Variants in ATRNL1 observed in about 807,000 individuals in gnomAD.
ATRNL1 encodes attractin-like protein 1.
A neutral mutation model predicts 182.7 loss-of-function variants in ATRNL1; 95 were observed. The ratio of observed to expected loss-of-function variants is 0.52; its 90% CI spans 0.44 to 0.62. The LOEUF (loss-of-function observed/expected upper bound fraction) is 0.62. Ranked by LOEUF, ATRNL1 falls within the 20% of genes least tolerant of loss-of-function variation. ATRNL1 has a pLI of 0.00. For synonymous variants in ATRNL1, 576 were observed against 568.3 expected (o/e 1.01, Z -0.19); for missense variants, 1,471 against 1,679.5 (o/e 0.88, Z 2.17).
At chr10:115,256,239 A>G (rs1554906894) in intron 10 of ATRNL1, among the ~76,000 whole-genome samples, 1 of 152,218 alleles carries the variant, frequency 6.6e-6, no homozygotes, top group Non-Finnish European at 1.5e-5. Flanking sequence ...TACCTCTGGT[A>G]GAATTCAGCT....
chr10:115,885,161 A>G (rs1216466442), intron 28 of ATRNL1, among the ~76,000 whole-genome samples: 2 of 152,246 alleles, frequency 1.3e-5, no homozygotes, highest in African/African-American at 4.8e-5. Flanking sequence ...GTGTAAGTAG[A>G]GAGTACTTAT....
chr10:115,213,784 G>A (rs1849120170), intron 8 of ATRNL1, among the ~76,000 whole-genome samples: 1 of 152,058 alleles, frequency 6.6e-6, no homozygotes, highest in African/African-American at 2.4e-5. Context: ...ATGAGATAAT[G>A]AGATAGTTAC....
In ATRNL1 at chr10:115,469,185, TG is replaced by T; in HGVS notation, c.3514del (p.Glu1172LysfsTer5). 2.4e-6 allele frequency: 3 copies of T among 1,228,624 alleles called. No homozygotes were observed. The highest frequency in any genetic ancestry group is 2.6e-4 in the Middle Eastern group (1 of 3,838). 76.1% of individuals were successfully genotyped at this position (1,228,624 alleles called of 1,614,324 possible). On this transcript the variant is annotated frameshift_variant, in exon 24 of 29. Coordinates refer to ENST00000355044, the MANE Select transcript of ATRNL1 (RefSeq NM_207303.4). LOFTEE classifies it high-confidence loss of function. ...SVGSTAGTIS[G>X]EETSIVSKNN... ...TTTACATTTTAGCTGGAACAATATCTGGGGAAGAGACTTCTATAGTTTCCAA... is the reference window on the plus strand; with the variant it reads ...TTTACATTTTAGCTGGAACAATATCTGGGAAGAGACTTCTATAGTTTCCAA...
chr10:115,664,515 A>T (rs1358068821), intron 26 of ATRNL1, among the ~76,000 whole-genome samples: 3 of 152,176 alleles, frequency 2.0e-5, no homozygotes, highest in African/African-American at 2.4e-5. Flanking sequence ...TATTAAATAT[A>T]TGTCCTATCA....
intron 26 of ATRNL1, among the ~76,000 whole-genome samples, chr10:115,633,191 G>A (rs952956023): frequency 6.6e-6 from 1 of 152,088 alleles, no homozygotes; most frequent in African/African-American, 2.4e-5. Context: ...GATTACAGGC[G>A]TGAGCCACTA....
intron 9 of ATRNL1, among the ~76,000 whole-genome samples, chr10:115,223,424 A>G (rs1002911516): frequency 3.9e-5 from 6 of 152,194 alleles, no homozygotes; most frequent in Admixed American, 2.0e-4. Flanking sequence ...TATTTAGAAA[A>G]GTTGAAAGTA....
chr10:115,526,688 A>G (rs986689492), intron 25 of ATRNL1, among the ~76,000 whole-genome samples: 12 of 152,292 alleles, frequency 7.9e-5, no homozygotes, highest in African/African-American at 2.4e-4. Context: ...TACTTGGACC[A>G]TAAGTCCTCT....
At chr10:115,525,392 G>C (rs192779665) in intron 25 of ATRNL1, among the ~76,000 whole-genome samples, 3 of 152,134 alleles carry the variant, frequency 2.0e-5, no homozygotes, top group Non-Finnish European at 4.4e-5. Context: ...ATTACATTGG[G>C]TCTCCATCTT....
chr10:115,263,186 T>TTTAAA (rs1554909250), intron 10 of ATRNL1, among the ~76,000 whole-genome samples: 2 of 151,816 alleles, frequency 1.3e-5, no homozygotes, highest in Non-Finnish European at 3.0e-5. Flanking sequence ...TATCTATAAA[T>TTTAAA]TTAAATGAGC....
At chr10:115,164,164 A>G (rs1290392786) in intron 6 of ATRNL1, among the ~76,000 whole-genome samples, 1 of 152,176 alleles carries the variant, frequency 6.6e-6, no homozygotes, top group African/African-American at 2.4e-5. Flanking sequence ...GGGATTTATA[A>G]TTTGGGACTT....
At chr10:115,464,172 C>T (rs188195754) in intron 22 of ATRNL1, among the ~76,000 whole-genome samples, 9 of 151,974 alleles carry the variant, frequency 5.9e-5, no homozygotes, top group East Asian at 3.9e-4. Flanking sequence ...TGAGAGGCAT[C>T]GCTAAGAATT....
chr10:115,847,531 A>C (rs897201265), intron 27 of ATRNL1, among the ~76,000 whole-genome samples: 1 of 152,168 alleles, frequency 6.6e-6, no homozygotes, highest in Admixed American at 6.6e-5. Flanking sequence ...AAATAAGAAA[A>C]TTAAGATATG....
chr10:115,630,232 A>C (rs956841321), intron 26 of ATRNL1, among the ~76,000 whole-genome samples: 1 of 152,162 alleles, frequency 6.6e-6, no homozygotes, highest in Admixed American at 6.5e-5. Context: ...CAAAGAAAAC[A>C]TACAGAAGGA....
intron 13 of ATRNL1, among the ~76,000 whole-genome samples, chr10:115,270,175 A>G (rs1337900516): frequency 1.3e-5 from 2 of 149,474 alleles, no homozygotes; most frequent in Non-Finnish European, 3.0e-5. Context: ...CTTGTATTAC[A>G]GTTCTTCAGA....
At chr10:115,443,218 C>A (rs1846784792) in intron 21 of ATRNL1, among the ~76,000 whole-genome samples, 1 of 151,766 alleles carries the variant, frequency 6.6e-6, no homozygotes, top group South Asian at 2.1e-4. Flanking sequence ...TCAAATTATT[C>A]TGTTGATGAT....
At chr10:115,497,344 G>A (rs1240085191) in intron 24 of ATRNL1, among the ~76,000 whole-genome samples, 1 of 152,162 alleles carries the variant, frequency 6.6e-6, no homozygotes, top group Non-Finnish European at 1.5e-5. Flanking sequence ...CTTCATAGGG[G>A]ATCTAAGTGC....
chr10:115,895,270 G>A (rs1288888156), intron 28 of ATRNL1, among the ~76,000 whole-genome samples: 1 of 152,184 alleles, frequency 6.6e-6, no homozygotes, highest in Non-Finnish European at 1.5e-5. Flanking sequence ...CGTGTGTATT[G>A]AAGGAACAAC....
At chr10:115,537,600 A>G (rs1852107979) in intron 25 of ATRNL1, among the ~76,000 whole-genome samples, 1 of 152,226 alleles carries the variant, frequency 6.6e-6, no homozygotes, top group African/African-American at 2.4e-5. Context: ...AATTCAAAGT[A>G]TGAGTATTCT....
rs1555080619 is a variant in ATRNL1 at position 115,787,321 on chromosome 10, G to A, written c.3903+59966G>A. On this transcript the variant is annotated intron_variant, in intron 27 of 28. Coordinates refer to ENST00000355044, the MANE Select transcript of ATRNL1 (RefSeq NM_207303.4). ...TAGAGATTTGCAACATCAATATATA[G>A]CCAGGCTTTACCCATTCGGGCCACT... Among the ~76,000 whole-genome samples, 3 of 152,052 alleles carry A rather than the reference G, an allele frequency of 2.0e-5. No individual in the cohort carries two copies. The South Asian group carries it at 6.2e-4, about 32-fold the overall frequency.
Sources: gnomAD v4.1 joint callset for allele counts (sites outside exome capture counted in the v4.1 genomes callset) on GRCh38, gnomAD v4.1.1 for gene constraint, MANE v1.5 for transcripts, NCBI Gene and HGNC (gene_info 2026-07-23, HGNC 2026-07-21) for gene names.